BCL11B: variants seen among roughly 807,000 people sequenced by gnomAD.
BCL11B encodes the protein BCL11 transcription factor B, also known as B-cell lymphoma/leukemia 11B.
BCL11B carries 8 observed loss-of-function variants against 49.9 expected under a neutral mutation model. That is an observed-to-expected ratio of 0.16 (90% CI 0.09 to 0.29). The LOEUF (loss-of-function observed/expected upper bound fraction) is 0.29. BCL11B is among the 10% of genes least tolerant of loss of function. BCL11B has a pLI of 1.00. For missense variants in BCL11B, 1,006 were observed against 1,351.0 expected (o/e 0.74, Z 4.00); for synonymous variants, 739 against 637.4 (o/e 1.16, Z -2.40).
rs1889362089 is a variant in BCL11B at position 99,262,418 on chromosome 14, T to C, written c.59-4579A>G. On this transcript the variant is annotated intron_variant, in intron 1 of 3. Transcript: ENST00000357195. The surrounding 1 kb of genome is among the most constrained non-coding windows in gnomAD (Gnocchi z 4.2). ...CATTAATTCAAATCCAACTCTCTTATCTTTAATGGCTAAGCTACAGTCCAG... is the reference window on the plus strand; with the variant it reads ...CATTAATTCAAATCCAACTCTCTTACCTTTAATGGCTAAGCTACAGTCCAG... 6.6e-6 allele frequency among the ~76,000 whole-genome samples: 1 copy of C among 152,118 alleles called. No individual in the cohort carries two copies. Among genetic ancestry groups the C allele is most frequent in the African/African-American group, 2.4e-5 (1 of 41,424 alleles).
chr14:99,256,827 A>C (rs533384210), intron 2 of BCL11B, among the ~76,000 whole-genome samples: 1 of 152,282 alleles, frequency 6.6e-6, no homozygotes, highest in African/African-American at 2.4e-5. Context: ...CAGTGCTCCA[A>C]CAAGTTCCCA....
In BCL11B at chr14:99,247,108, C is replaced by T. The variant is rs1888868219; in HGVS notation, c.427+10363G>A. 6.6e-6 allele frequency among the ~76,000 whole-genome samples: 1 copy of T among 152,126 alleles called. No homozygotes were observed. Among genetic ancestry groups the T allele is most frequent in the African/African-American group, 2.4e-5 (1 of 41,414 alleles). ...GCTGCCCTGACGCTGGAGTGTGGACCTTGTTTTGCTCCTCGGGGCCCGTCT... is the reference window on the plus strand; with the variant it reads ...GCTGCCCTGACGCTGGAGTGTGGACTTTGTTTTGCTCCTCGGGGCCCGTCT... On this transcript the variant is annotated intron_variant, in intron 2 of 3. Transcript: ENST00000357195. The surrounding 1 kb of genome is among the most constrained non-coding windows in gnomAD (Gnocchi z 4.5).
chr14:99,212,567 G>T (rs890737585), intron 3 of BCL11B, among the ~76,000 whole-genome samples: 4 of 152,190 alleles, frequency 2.6e-5, no homozygotes, highest in Non-Finnish European at 4.4e-5. Context: ...TCCCAGGACA[G>T]CCAGGGAGAC....
intron 3 of BCL11B, among the ~76,000 whole-genome samples, chr14:99,209,839 G>A (rs956250826): frequency 6.6e-6 from 1 of 152,070 alleles, no homozygotes; most frequent in Admixed American, 6.5e-5. Flanking sequence ...AAAATGCAGT[G>A]CTCAGGATGG....
intron 2 of BCL11B, among the ~76,000 whole-genome samples, chr14:99,246,535 A>G (rs1431029510): frequency 6.6e-6 from 1 of 152,206 alleles, no homozygotes; most frequent in Non-Finnish European, 1.5e-5. Context: ...CACCGCTCGC[A>G]GGGGAGGCCC....
At chr14:99,199,683 T>C (rs2614474) in intron 3 of BCL11B, among the ~76,000 whole-genome samples, 17,996 of 72,462 alleles carry the variant, frequency 0.25, 1,730 homozygotes, top group African/African-American at 0.33. Flanking sequence ...TGTGTGTGTG[T>C]GCGCGCGCGC....
In BCL11B at chr14:99,175,537, G is replaced by T; in HGVS notation, c.1299C>A (p.Gly433=). The change falls in exon 4 of 4, where the codon GGC becomes GGA. Residue 433 remains glycine (G), a synonymous_variant. Transcript: ENST00000357195. ...PAKSKSCEFC[G]KTFKFQSNLI... ...GATTGCTCTGGAACTTGAAGGTCTT[G>T]CCGCAGAACTCGCACGACTTGCTCT... The T allele has an allele frequency of 6.2e-7, 1 of 1,606,008 alleles. No individual in the cohort carries two copies.
In BCL11B at chr14:99,173,619, AAAGG is replaced by A. The variant is rs1425674177; in HGVS notation, c.*528_*531del. 5 of 213,960 alleles carry A rather than the reference AAAGG, an allele frequency of 2.3e-5. No individual in the cohort carries two copies. Among genetic ancestry groups the A allele is most frequent in the Admixed American group, 5.8e-5 (1 of 17,096 alleles). 13.3% of individuals were successfully genotyped at this position (213,960 alleles called of 1,614,324 possible). ...GCCACTTTTTATTTCAGGACAAAAAAAAGGAAGGAATGAAAAAGTAAACAACTTT... is the reference window on the plus strand; with the variant it reads ...GCCACTTTTTATTTCAGGACAAAAAAAAGGAATGAAAAAGTAAACAACTTT... On this transcript the variant is annotated 3_prime_UTR_variant, in exon 4 of 4. Coordinates refer to ENST00000357195, the MANE Select transcript of BCL11B (RefSeq NM_138576.4).
chr14:99,232,907 G>A lies in BCL11B; in HGVS notation c.428-1350C>T, dbSNP rs1888379920. Among the ~76,000 whole-genome samples, 1 of 152,200 alleles carries A rather than the reference G, an allele frequency of 6.6e-6. No individual in the cohort carries two copies. The highest frequency in any genetic ancestry group is 2.1e-4 in the South Asian group (1 of 4,834). ...AAGACCCCCTGCTTAGGGATTGCAA[G>A]CTGTCAGTGTCCTGTCAAGAGGTCA... On this transcript the variant is annotated intron_variant, in intron 2 of 3. Transcript: ENST00000357195. This position sits in a 1 kb window ranked among gnomAD's most constrained non-coding sequence, Gnocchi z 5.1.
chr14:99,207,611 G>A (rs1051018358), intron 3 of BCL11B, among the ~76,000 whole-genome samples: 1 of 152,230 alleles, frequency 6.6e-6, no homozygotes, highest in Non-Finnish European at 1.5e-5. Context: ...CTGTGCCCTG[G>A]AGGCCTTCAC....
In BCL11B at chr14:99,172,914, A is replaced by T. The variant is rs1425383983; in HGVS notation, c.*1237T>A. On this transcript the variant is annotated 3_prime_UTR_variant, in exon 4 of 4. Coordinates refer to ENST00000357195, the MANE Select transcript of BCL11B (RefSeq NM_138576.4). ...GATGGAACTCATCCCCTGCTTTTTC[A>T]GTAAAAGAGAATAGAAATTTGCAAG... 3 of 228,352 alleles carry T rather than the reference A, an allele frequency of 1.3e-5. No homozygotes were observed. Among genetic ancestry groups the T allele is most frequent in the Admixed American group, 5.7e-5 (1 of 17,624 alleles). 14.1% of individuals were successfully genotyped at this position (228,352 alleles called of 1,614,324 possible).
intron 3 of BCL11B, among the ~76,000 whole-genome samples, chr14:99,216,282 G>C (rs1010490034): frequency 6.6e-6 from 1 of 152,304 alleles, no homozygotes; most frequent in East Asian, 1.9e-4. Context: ...CACAATGAAC[G>C]CTTCTTAGCA....
chr14:99,186,813 A>G (rs923526771), intron 3 of BCL11B, among the ~76,000 whole-genome samples: 3 of 152,238 alleles, frequency 2.0e-5, no homozygotes, highest in Middle Eastern at 3.2e-3. Context: ...AAATCTCAAT[A>G]TAACAAAAGG....
chr14:99,188,105 G>C (rs1026490167), intron 3 of BCL11B, among the ~76,000 whole-genome samples: 2 of 152,200 alleles, frequency 1.3e-5, no homozygotes, highest in Non-Finnish European at 1.5e-5. Context: ...GGTCTGCGGG[G>C]ATTGATAAAG....
rs61754124 is a variant in BCL11B at position 99,175,292 on chromosome 14, C to T, written c.1544G>A (p.Gly515Asp). ...GTCGCTCTCGTGGTGGCGGAAGTCA[C>T]CGTCGGCCGCCTTGAGGCCCTCGCC... ...LAGEGLKAAD[G>D]DFRHHESDPS... The change falls in exon 4 of 4, where the codon GGT becomes GAT. Residue 515 changes from glycine to aspartate, a missense_variant. Around this residue, in one of 6 missense-constraint regions of BCL11B, gnomAD observed 443 missense variants for 499.7 expected, o/e 0.89. Transcript: ENST00000357195. 1.1e-5 allele frequency: 17 copies of T among 1,539,656 alleles called. No individual in the cohort carries two copies. The Admixed American group carries it at 2.1e-4, about 19-fold the overall frequency.
intron 3 of BCL11B, among the ~76,000 whole-genome samples, chr14:99,210,480 T>C (rs1887655620): frequency 6.6e-6 from 1 of 151,992 alleles, no homozygotes; most frequent in African/African-American, 2.4e-5. Context: ...AAAGGTTTTC[T>C]CCAGGGAGAA....
chr14:99,235,376 G>A (rs1413672289), intron 2 of BCL11B, among the ~76,000 whole-genome samples: 1 of 152,202 alleles, frequency 6.6e-6, no homozygotes, highest in Non-Finnish European at 1.5e-5. Context: ...GCGCGTGTGA[G>A]TGAGGGACAC....
intron 3 of BCL11B, among the ~76,000 whole-genome samples, chr14:99,223,734 A>G (rs1180183432): frequency 6.6e-6 from 1 of 152,164 alleles, no homozygotes; most frequent in African/African-American, 2.4e-5. Context: ...GTGGATTCCA[A>G]TGCAGTCAGG....
At chr14:99,200,503 G>A (rs1312126880) in intron 3 of BCL11B, among the ~76,000 whole-genome samples, 2 of 152,332 alleles carry the variant, frequency 1.3e-5, no homozygotes, top group African/African-American at 4.8e-5. Context: ...CTCCAACCAC[G>A]ACAGGCCTCC....
Sources: gnomAD v4.1 joint callset for allele counts (sites outside exome capture counted in the v4.1 genomes callset) on GRCh38, gnomAD v4.1.1 for gene constraint, gnomAD v4.1.1 regional missense constraint, Gnocchi (gnomAD v3.1) non-coding constraint, MANE v1.5 for transcripts, NCBI Gene and HGNC (gene_info 2026-07-23, HGNC 2026-07-21) for gene names.